The following CREB5 variants were observed in gnomAD, a reference collection of about 807,000 sequenced individuals.
CREB5 encodes cAMP responsive element binding protein 5.
A neutral mutation model predicts 57.1 loss-of-function variants in CREB5; 19 were observed. The ratio of observed to expected loss-of-function variants is 0.33; its 90% CI spans 0.23 to 0.49. The LOEUF (loss-of-function observed/expected upper bound fraction) is 0.49. Among genes scored for constraint, CREB5 ranks in the 20% least tolerant of loss-of-function variants. The pLI, the probability that CREB5 is intolerant of heterozygous loss-of-function variation, is 0.99. For missense variants in CREB5, 579 were observed against 671.6 expected (o/e 0.86, Z 1.52); for synonymous variants, 238 against 238.3 (o/e 1.00, Z 0.01).
chr7:28,434,198 C>A (rs1271942307), intron 1 of CREB5, among the ~76,000 whole-genome samples: 1 of 152,030 alleles, frequency 6.6e-6, no homozygotes, highest in African/African-American at 2.4e-5. Flanking sequence ...CCAGAGGCAA[C>A]TCCTCATCTC....
At chr7:28,757,566 G>A (rs1337925933) in intron 7 of CREB5, among the ~76,000 whole-genome samples, 5 of 151,916 alleles carry the variant, frequency 3.3e-5, no homozygotes, top group South Asian at 2.1e-4. Flanking sequence ...CCAGCTACTC[G>A]GGAGGCTGAG....
chr7:28,386,368 C>G (rs1368452920), intron 1 of CREB5, among the ~76,000 whole-genome samples: 1 of 152,138 alleles, frequency 6.6e-6, no homozygotes, highest in Non-Finnish European at 1.5e-5. Flanking sequence ...TACAGTCTGG[C>G]TTTTGTTGCC....
intron 1 of CREB5, among the ~76,000 whole-genome samples, chr7:28,391,447 T>C (rs1787214897): frequency 6.6e-6 from 1 of 152,252 alleles, no homozygotes; most frequent in Non-Finnish European, 1.5e-5. Context: ...TGAAAAGTAA[T>C]CATGTGAGTA....
intron 7 of CREB5, among the ~76,000 whole-genome samples, chr7:28,752,939 TAC>T (rs1805070051): frequency 1.3e-5 from 2 of 150,658 alleles, no homozygotes; most frequent in Admixed American, 1.3e-4. Context: ...GTCAGGAAAA[TAC>T]ACATGTTTTG....
chr7:28,338,430 A>C (rs943400318), intron 1 of CREB5, among the ~76,000 whole-genome samples: 4 of 152,106 alleles, frequency 2.6e-5, no homozygotes, highest in African/African-American at 9.7e-5. Context: ...TAGCGTTTTA[A>C]ATATGTCATG....
intron 1 of CREB5, among the ~76,000 whole-genome samples, chr7:28,433,277 C>G (rs1788805326): frequency 1.3e-5 from 2 of 152,160 alleles, no homozygotes; most frequent in African/African-American, 2.4e-5. Flanking sequence ...GCAATAGTGC[C>G]TATCACACCT....
At chr7:28,472,153 A>C (rs955520382) in intron 1 of CREB5, among the ~76,000 whole-genome samples, 2 of 86,226 alleles carry the variant, frequency 2.3e-5, no homozygotes, top group African/African-American at 7.9e-5. Flanking sequence ...TAGTCAAAGC[A>C]AAAAAAAAAA....
chr7:28,492,064 A>G (rs1194574638), intron 2 of CREB5, among the ~76,000 whole-genome samples: 12 of 152,116 alleles, frequency 7.9e-5, no homozygotes, highest in African/African-American at 2.9e-4. Flanking sequence ...CAATGGCACG[A>G]CCTTGGCTGA....
chr7:28,495,534 C>T (rs552938106), intron 3 of CREB5, among the ~76,000 whole-genome samples: 15 of 90,990 alleles, frequency 1.6e-4, no homozygotes, highest in Admixed American at 8.2e-4. Flanking sequence ...AGCAAAACTC[C>T]GTCTCAAAAA....
chr7:28,606,448 G>A (rs1277242940), intron 5 of CREB5, among the ~76,000 whole-genome samples: 1 of 152,186 alleles, frequency 6.6e-6, no homozygotes, highest in East Asian at 1.9e-4. Flanking sequence ...CCTCCTGGCA[G>A]ATATTTCTGG....
At chr7:28,715,104 A>G (rs1256462596) in intron 5 of CREB5, among the ~76,000 whole-genome samples, 2 of 152,222 alleles carry the variant, frequency 1.3e-5, no homozygotes, top group Non-Finnish European at 2.9e-5. Flanking sequence ...GTGAATTCTC[A>G]CGTTAGCAGT....
intron 7 of CREB5, among the ~76,000 whole-genome samples, chr7:28,740,733 G>A (rs73077845): frequency 0.12 from 18,033 of 151,916 alleles, 1,207 homozygotes; most frequent in Middle Eastern, 0.17. Context: ...GTTCTTTTCC[G>A]GTAGAAAAAT....
At chr7:28,609,573 G>A (rs975629490) in intron 5 of CREB5, among the ~76,000 whole-genome samples, 1 of 152,164 alleles carries the variant, frequency 6.6e-6, no homozygotes, top group East Asian at 1.9e-4. Flanking sequence ...AAAGACAACT[G>A]TATGAAAAAA....
chr7:28,780,418 T>C (rs935185384), intron 7 of CREB5, among the ~76,000 whole-genome samples: 3 of 152,150 alleles, frequency 2.0e-5, no homozygotes, highest in African/African-American at 7.2e-5. Flanking sequence ...ATTAATCCTA[T>C]ATTAAAATGA....
chr7:28,711,723 G>A (rs376547364), intron 5 of CREB5, among the ~76,000 whole-genome samples: 1 of 152,190 alleles, frequency 6.6e-6, no homozygotes, highest in African/African-American at 2.4e-5. Context: ...AGTTGTGGGT[G>A]AGAGAAGTTC....
intron 5 of CREB5, chr7:28,615,302 C>G (rs1171994814): frequency 6.6e-6 from 1 of 152,204 alleles, no homozygotes; most frequent in African/African-American, 2.4e-5. Flanking sequence ...AGCCCCTGGC[C>G]AACATGTAGC....
chr7:28,587,054 C>T (rs919821899), intron 5 of CREB5, among the ~76,000 whole-genome samples: 1 of 152,082 alleles, frequency 6.6e-6, no homozygotes, highest in Non-Finnish European at 1.5e-5. Context: ...CAGAACAACT[C>T]AAATGTCATT....
intron 7 of CREB5, among the ~76,000 whole-genome samples, chr7:28,800,690 C>T (rs1275912975): frequency 6.6e-6 from 1 of 152,226 alleles, no homozygotes; most frequent in Non-Finnish European, 1.5e-5. Flanking sequence ...ACCATCCACT[C>T]TCCCTTCCAC....
At chr7:28,801,494 A>T (rs996786999) in intron 7 of CREB5, among the ~76,000 whole-genome samples, 1 of 152,208 alleles carries the variant, frequency 6.6e-6, no homozygotes, top group East Asian at 1.9e-4. Context: ...AAAACCCAGC[A>T]ATTCCCCAGA....
Sources: gnomAD v4.1 joint callset for allele counts (sites outside exome capture counted in the v4.1 genomes callset) on GRCh38, gnomAD v4.1.1 for gene constraint, MANE v1.5 for transcripts, NCBI Gene and HGNC (gene_info 2026-07-23, HGNC 2026-07-21) for gene names.